DNAH9: variants seen among roughly 807,000 people sequenced by gnomAD.
DNAH9 encodes dynein axonemal heavy chain 9.
Under a neutral mutation model 471.6 loss-of-function variants are expected in DNAH9, and 345 were observed. That is an observed-to-expected ratio of 0.73 (90% CI 0.67 to 0.80). DNAH9 has a LOEUF of 0.80. Among genes scored for constraint, DNAH9 ranks in the 30% least tolerant of loss-of-function variants. The probability of loss-of-function intolerance (pLI) is 0.00; values close to 1 mark genes in which losing one functional copy is unlikely to be tolerated. For missense variants in DNAH9, 5,407 were observed against 5,609.2 expected (o/e 0.96, Z 1.15); for synonymous variants, 2,093 against 2,123.6 (o/e 0.99, Z 0.40).
At chr17:11,687,189 G>A (rs892144273) in intron 19 of DNAH9, among the ~76,000 whole-genome samples, 1 of 152,054 alleles carries the variant, frequency 6.6e-6, no homozygotes, top group Admixed American at 6.5e-5. Flanking sequence ...ATATGTGGGA[G>A]CTAAATAATA....
chr17:11,691,531 G>GA (rs951342134), intron 20 of DNAH9, among the ~76,000 whole-genome samples: 2 of 152,140 alleles, frequency 1.3e-5, no homozygotes, highest in African/African-American at 4.8e-5. Context: ...GAAACAATTT[G>GA]AAAACGTAAT....
intron 36 of DNAH9, among the ~76,000 whole-genome samples, 166 bp downstream of exon 36, chr17:11,763,780 C>T (rs537132365): frequency 9.2e-5 from 14 of 152,188 alleles, no homozygotes; most frequent in Non-Finnish European, 1.5e-4. Context: ...ATCAGTTGTC[C>T]TAGCCAGACC....
chr17:11,742,317 G>A lies in DNAH9; in HGVS notation c.6111+4G>A, dbSNP rs769683507. The A allele has an allele frequency of 1.9e-5, 31 of 1,613,846 alleles. No individual in the cohort carries two copies. The South Asian group carries it at 3.2e-4, about 17-fold the overall frequency. ...CAAAGAGCTTCTCTCCAAACAGGTA[G>A]GATCTCTAGGGAGGCTGTACAACCA... On this transcript the variant is annotated splice_donor_region_variant and intron_variant, in intron 30 of 68. Transcript: ENST00000262442.
At chr17:11,839,092 T>G (rs1033010295) in intron 49 of DNAH9, among the ~76,000 whole-genome samples, 6 of 152,226 alleles carry the variant, frequency 3.9e-5, no homozygotes, top group Non-Finnish European at 8.8e-5. Context: ...ATGGTTTATC[T>G]TGCAATTTCA....
rs747370193 is a variant in DNAH9 at position 11,793,527 on chromosome 17, T to C, written c.8086T>C (p.Cys2696Arg). The change falls in exon 42 of 69, where the codon TGT (cysteine) becomes CGT (arginine). Residue 2696 changes from cysteine (C) to arginine (R), a missense_variant. Physicochemically the swap from Cys to Arg is radical, Grantham distance 180. Coordinates refer to ENST00000262442, the MANE Select transcript of DNAH9 (RefSeq NM_001372.4). Reference sequence around the variant, plus strand: ...GGGCATTCTCTTCTCCTCAGTGGAATGTGTGAAATCCACATGGGATCTTAT... The same window carrying C: ...GGGCATTCTCTTCTCCTCAGTGGAACGTGTGAAATCCACATGGGATCTTAT... ...FQGILFSSVECVKSTWDLIRL... is the reference protein window; with the variant it reads ...FQGILFSSVERVKSTWDLIRL... 6.2e-7 allele frequency: 1 copy of C among 1,613,582 alleles called. No homozygotes were observed. The highest frequency in any genetic ancestry group is 8.5e-7 in the Non-Finnish European group (1 of 1,179,878).
At chr17:11,603,468 A>G (rs925202302) in intron 1 of DNAH9, among the ~76,000 whole-genome samples, 1 of 152,200 alleles carries the variant, frequency 6.6e-6, no homozygotes, top group African/African-American at 2.4e-5. Flanking sequence ...ATCTTCTGCC[A>G]TCCCATCCGT....
rs1045597418 is a variant in DNAH9 at position 11,875,948 on chromosome 17, A to G, written c.10478+764A>G. The stretch of plus-strand genomic sequence containing the variant: ...AGACATCATTCATTAGGAGGTTGAT[A>G]TGCATCAGTCTTGGTGTTAGAGGTT... On this transcript the variant is annotated intron_variant, in intron 53 of 68. Transcript: ENST00000262442. 3.9e-5 allele frequency: 6 copies of G among 152,330 alleles called. No homozygotes were observed. In the East Asian group the frequency reaches 1.2e-3, roughly 29 times the overall value. The allele number at this position is 152,330 out of a possible 1,614,324, so 9.4% of individuals were successfully genotyped here. A position where few individuals can be genotyped will look rare whatever the true frequency, so the allele number is the denominator to read the frequency against.
chr17:11,790,005 T>G (rs537503016), intron 41 of DNAH9, among the ~76,000 whole-genome samples: 2 of 152,192 alleles, frequency 1.3e-5, no homozygotes, highest in East Asian at 3.9e-4. Context: ...CTAGTTATCT[T>G]TCTCTTATTG....
At chr17:11,611,046 T>TTGCTTC (rs1555549389) in intron 3 of DNAH9, among the ~76,000 whole-genome samples, 1 of 150,992 alleles carries the variant, frequency 6.6e-6, no homozygotes, top group African/African-American at 2.4e-5. Flanking sequence ...GGCTTCATTA[T>TTGCTTC]TGCTCCTGCT....
chr17:11,786,714 C>T (rs2011094), intron 41 of DNAH9, among the ~76,000 whole-genome samples: 1 of 151,956 alleles, frequency 6.6e-6, no homozygotes, highest in Non-Finnish European at 1.5e-5. Context: ...AGGTAATTCA[C>T]GGTGACAAAA....
At chr17:11,965,225 T>C (rs1369316870) in intron 68 of DNAH9, among the ~76,000 whole-genome samples, 1 of 152,178 alleles carries the variant, frequency 6.6e-6, no homozygotes, top group Non-Finnish European at 1.5e-5. Context: ...TAGCTAACCT[T>C]GAGGTTCTAG....
At chr17:11,642,904 A>G (rs546050400) in intron 10 of DNAH9, among the ~76,000 whole-genome samples, 100 of 151,440 alleles carry the variant, frequency 6.6e-4, no homozygotes, top group African/African-American at 2.2e-3. Context: ...AATCAGGGGG[A>G]AAAAAAAACG....
chr17:11,894,308 C>T (rs906275118), intron 58 of DNAH9, 66 bp from the exon 59 acceptor site: 23 of 1,590,606 alleles, frequency 1.4e-5, no homozygotes, highest in Non-Finnish European at 2.0e-5. Context: ...TGAGTGACAA[C>T]CCCTAAGATT....
intron 50 of DNAH9, among the ~76,000 whole-genome samples, chr17:11,861,487 G>A (rs1218045343): frequency 1.3e-5 from 2 of 152,126 alleles, no homozygotes; most frequent in East Asian, 1.9e-4. Context: ...ATAAAAATAC[G>A]TGTGCATATG....
chr17:11,608,631 G>T (rs779269104), intron 2 of DNAH9, among the ~76,000 whole-genome samples: 3 of 152,142 alleles, frequency 2.0e-5, no homozygotes, highest in Non-Finnish European at 2.9e-5. Context: ...TGCTTATCAG[G>T]ATAGTGTCTC....
At chr17:11,661,216 T>C (rs1225719373) in intron 14 of DNAH9, among the ~76,000 whole-genome samples, 2 of 151,672 alleles carry the variant, frequency 1.3e-5, no homozygotes, top group African/African-American at 4.9e-5. Flanking sequence ...AATCTATTTT[T>C]TTCTGATAAT....
intron 50 of DNAH9, among the ~76,000 whole-genome samples, chr17:11,854,689 G>T (rs908169650): frequency 6.6e-6 from 1 of 152,158 alleles, no homozygotes; most frequent in East Asian, 1.9e-4. Context: ...TGAACAAAAG[G>T]TTAAAATTTT....
Position 11,797,591 on chromosome 17 carries a change from C to G in DNAH9, c.8224-6C>G. 6 of 1,606,808 alleles carry G rather than the reference C, an allele frequency of 3.7e-6. No individual in the cohort carries two copies. The highest frequency in any genetic ancestry group is 5.1e-6 in the Non-Finnish European group (6 of 1,176,552). On this transcript the variant is annotated splice_polypyrimidine_tract_variant and splice_region_variant and intron_variant, in intron 42 of 68. Coordinates refer to ENST00000262442, the MANE Select transcript of DNAH9 (RefSeq NM_001372.4). ...GAGGGCCCTTATTCCTGTGTCTCAT[C>G]ACCAGGATATTGAAGACCCTGTGGA... is the stretch of plus-strand genomic sequence containing the variant.
intron 49 of DNAH9, among the ~76,000 whole-genome samples, chr17:11,852,857 T>G (rs1971477315): frequency 7.8e-6 from 1 of 128,100 alleles, no homozygotes; most frequent in Non-Finnish European, 1.7e-5. Context: ...TATATATATA[T>G]ATATGAAAGT....
Sources: allele counts gnomAD v4.1 joint callset (sites outside exome capture counted in the v4.1 genomes callset), GRCh38; gene constraint gnomAD v4.1.1; transcripts MANE v1.5; gene names NCBI Gene and HGNC (gene_info 2026-07-23, HGNC 2026-07-21).